Variants in CDH13 observed in about 807,000 individuals in gnomAD.
The protein encoded by CDH13 is cadherin 13, also known as cadherin-13.
Under a neutral mutation model 63.8 loss-of-function variants are expected in CDH13, and 24 were observed. The ratio of observed to expected loss-of-function variants is 0.38; its 90% CI spans 0.27 to 0.53. CDH13 has a LOEUF of 0.53. CDH13 is among the 20% of genes least tolerant of loss of function. CDH13 has a pLI of 0.85. For synonymous variants in CDH13, 503 were observed against 355.3 expected, an observed-to-expected ratio of 1.42 and a Z score of -4.67; for missense variants, 1,049 against 903.1, an observed-to-expected ratio of 1.16 and a Z score of -2.07.
At chr16:82,996,984 ATGG>A (rs1347887514) in intron 2 of CDH13, among the ~76,000 whole-genome samples, 13 of 148,926 alleles carry the variant, frequency 8.7e-5, no homozygotes, top group African/African-American at 3.2e-4. Flanking sequence ...GATGATGGTG[ATGG>A]TGGTGATGAT....
At position 83,145,959 on chromosome 16, in the gene CDH13, C is replaced by T. The variant is rs148175970; in HGVS notation, c.483+20458C>T. ...GCCGGATGCTGGAACTTTGGGAGGC[C>T]GAGGCGGGTGGATTACCTGAGGTCG... On this transcript the variant is annotated intron_variant, in intron 4 of 13. Transcript: ENST00000567109. Among the ~76,000 whole-genome samples, 243 of 152,046 alleles carry T rather than the reference C, an allele frequency of 1.6e-3. 1 individual carries two copies. The highest frequency in any genetic ancestry group is 2.6e-3 in the Non-Finnish European group (175 of 67,962).
Position 83,074,956 on chromosome 16 carries a change from A to T in CDH13, c.366+42738A>T, listed in dbSNP as rs115071844. ...TCACTTCTGAGGACACGTGCAGCCT[A>T]AGCAAGGCAGCCACTGCCTCTCACC... On this transcript the variant is annotated intron_variant, in intron 3 of 13. Coordinates refer to ENST00000567109, the MANE Select transcript of CDH13 (RefSeq NM_001257.5). Among the ~76,000 whole-genome samples, 599 of 152,326 alleles carry T rather than the reference A, an allele frequency of 3.9e-3. 2 individuals carry two copies. Among genetic ancestry groups the T allele is most frequent in the African/African-American group, 0.014 (575 of 41,578 alleles).
At chr16:82,670,420 A>G (rs1913101854) in intron 1 of CDH13, among the ~76,000 whole-genome samples, 1 of 152,220 alleles carries the variant, frequency 6.6e-6, no homozygotes, top group Non-Finnish European at 1.5e-5. Flanking sequence ...TGAGAAAAAA[A>G]TATCACTTGA....
At chr16:83,765,028 T>C (rs1342763787) in intron 11 of CDH13, among the ~76,000 whole-genome samples, 1 of 152,224 alleles carries the variant, frequency 6.6e-6, no homozygotes, top group Non-Finnish European at 1.5e-5. Flanking sequence ...AAATGCCATC[T>C]CTTCATGAAG....
chr16:83,030,202 T>C lies in CDH13; in HGVS notation c.158-1808T>C, dbSNP rs1011174075. On this transcript the variant is annotated intron_variant, in intron 2 of 13. Coordinates refer to ENST00000567109, the MANE Select transcript of CDH13 (RefSeq NM_001257.5). ...TTTGCTCACATCTGTCCACTCTCCATATCAGCACCACTGCCTTCATTTTGT... is the reference window on the plus strand; with the variant it reads ...TTTGCTCACATCTGTCCACTCTCCACATCAGCACCACTGCCTTCATTTTGT... Among the ~76,000 whole-genome samples the C allele has an allele frequency of 2.0e-5, 3 of 152,278 alleles. No homozygotes were observed. The South Asian group carries it at 6.2e-4, about 32-fold the overall frequency.
chr16:83,173,682 A>G (rs1394900741), intron 4 of CDH13, among the ~76,000 whole-genome samples: 1 of 152,134 alleles, frequency 6.6e-6, no homozygotes, highest in African/African-American at 2.4e-5. Context: ...TTGGCAAACT[A>G]TATGAAAGAT....
At chr16:83,581,835 A>G (rs1378371834) in intron 7 of CDH13, among the ~76,000 whole-genome samples, 4 of 152,100 alleles carry the variant, frequency 2.6e-5, no homozygotes, top group Admixed American at 1.3e-4. Context: ...TAAATAAATA[A>G]ATAATAAAAG....
chr16:83,676,958 C>T (rs1346456092), intron 9 of CDH13, among the ~76,000 whole-genome samples: 1 of 152,238 alleles, frequency 6.6e-6, no homozygotes, highest in Non-Finnish European at 1.5e-5. Context: ...ACCTCTACAA[C>T]TGTTGTTGCT....
chr16:82,745,576 C>T lies in CDH13; in HGVS notation c.46-112786C>T, dbSNP rs149821078. Reference sequence around the variant, plus strand: ...CCAAGATCACGCCACTGAACTCCAGCCTGGGTGACAGAGCGAGACTCTGTC... The same window carrying T: ...CCAAGATCACGCCACTGAACTCCAGTCTGGGTGACAGAGCGAGACTCTGTC... On this transcript the variant is annotated intron_variant, in intron 1 of 13. Transcript: ENST00000567109. Among the ~76,000 whole-genome samples, 15 of 152,188 alleles carry T rather than the reference C, an allele frequency of 9.9e-5. No individual in the cohort carries two copies. In the East Asian group the frequency reaches 2.5e-3, roughly 26 times the overall value.
intron 6 of CDH13, among the ~76,000 whole-genome samples, chr16:83,364,820 A>G (rs1490924059): frequency 2.0e-5 from 3 of 152,230 alleles, no homozygotes; most frequent in Admixed American, 6.5e-5. Flanking sequence ...GGTTCTTCCA[A>G]ACACCACATG....
chr16:83,655,888 C>A (rs1305689137), intron 8 of CDH13, among the ~76,000 whole-genome samples: 1 of 152,160 alleles, frequency 6.6e-6, no homozygotes, highest in Non-Finnish European at 1.5e-5. Flanking sequence ...GAGGAGGAGT[C>A]AAACACCCCT....
intron 2 of CDH13, among the ~76,000 whole-genome samples, chr16:82,877,002 A>T (rs1008982742): frequency 1.9e-4 from 29 of 152,202 alleles, no homozygotes; most frequent in African/African-American, 6.5e-4. Flanking sequence ...CAACTTCTCA[A>T]AGTAGAAGAT....
At chr16:83,240,283 G>C (rs1904315252) in intron 5 of CDH13, among the ~76,000 whole-genome samples, 1 of 152,144 alleles carries the variant, frequency 6.6e-6, no homozygotes, top group South Asian at 2.1e-4. Context: ...CTGGGAGGGG[G>C]TGGATCACTC....
At chr16:83,544,279 G>A (rs773632193) in intron 7 of CDH13, among the ~76,000 whole-genome samples, 3 of 152,124 alleles carry the variant, frequency 2.0e-5, no homozygotes, top group Non-Finnish European at 4.4e-5. Flanking sequence ...TCTATAGGAC[G>A]ATTGAGTCTG....
chr16:83,094,350 C>G (rs780382002), intron 3 of CDH13, among the ~76,000 whole-genome samples: 3 of 152,132 alleles, frequency 2.0e-5, no homozygotes, highest in Non-Finnish European at 4.4e-5. Context: ...GAGTAACCCA[C>G]ATTATTTTCA....
chr16:82,765,268 C>T (rs777943769), intron 1 of CDH13, among the ~76,000 whole-genome samples: 1 of 152,154 alleles, frequency 6.6e-6, no homozygotes, highest in Non-Finnish European at 1.5e-5. Flanking sequence ...TCTTGAAGCT[C>T]CGATTACCAA....
intron 7 of CDH13, among the ~76,000 whole-genome samples, chr16:83,599,622 G>A (rs552159819): frequency 6.6e-6 from 1 of 151,876 alleles, no homozygotes; most frequent in Non-Finnish European, 1.5e-5. Context: ...ATAACCAAAA[G>A]GCCTAATAAT....
At chr16:83,049,218 C>T (rs564750552) in intron 3 of CDH13, among the ~76,000 whole-genome samples, 1 of 152,040 alleles carries the variant, frequency 6.6e-6, no homozygotes, top group Non-Finnish European at 1.5e-5. Flanking sequence ...AAACTGTATA[C>T]CTGTTAAGCA....
chr16:83,227,614 T>C (rs977703818), intron 5 of CDH13, among the ~76,000 whole-genome samples: 1 of 152,208 alleles, frequency 6.6e-6, no homozygotes, highest in African/African-American at 2.4e-5. Context: ...GATGCGTGAC[T>C]GCTCTGGATA....
Sources: allele counts gnomAD v4.1 joint callset (sites outside exome capture counted in the v4.1 genomes callset), GRCh38; gene constraint gnomAD v4.1.1; transcripts MANE v1.5; gene names NCBI Gene and HGNC (gene_info 2026-07-23, HGNC 2026-07-21).